The following F13A1 variants were observed in gnomAD, a reference collection of about 807,000 sequenced individuals.
F13A1 encodes the protein coagulation factor XIII A chain.
F13A1 carries 47 observed loss-of-function variants against 80.1 expected under a neutral mutation model. That is an observed-to-expected ratio of 0.59 (90% CI 0.46 to 0.75). The LOEUF (loss-of-function observed/expected upper bound fraction) is 0.75. Ranked by LOEUF, F13A1 falls within the 30% of genes least tolerant of loss-of-function variation. F13A1 has a pLI of 0.00. For missense variants in F13A1, 817 were observed against 930.4 expected (o/e 0.88, Z 1.59); for synonymous variants, 349 against 344.9 (o/e 1.01, Z -0.13).
intron 9 of F13A1, among the ~76,000 whole-genome samples, chr6:6,196,853 C>T (rs1310614447): frequency 6.6e-6 from 1 of 152,162 alleles, no homozygotes; most frequent in African/African-American, 2.4e-5. Context: ...TTCGAGTTCT[C>T]TATTTTCTCT....
At chr6:6,184,205 G>A (rs988301280) in intron 10 of F13A1, among the ~76,000 whole-genome samples, 4 of 152,254 alleles carry the variant, frequency 2.6e-5, no homozygotes, top group African/African-American at 9.6e-5. Context: ...TATTATGGAT[G>A]AGGGCACCAA....
intron 12 of F13A1, among the ~76,000 whole-genome samples, chr6:6,171,001 G>C (rs990990513): frequency 2.0e-5 from 3 of 152,120 alleles, no homozygotes; most frequent in African/African-American, 7.2e-5. Flanking sequence ...CTCAGGCATA[G>C]GTTTGGTCAG....
intron 3 of F13A1, among the ~76,000 whole-genome samples, chr6:6,268,240 C>T (rs543337708): frequency 6.6e-6 from 1 of 152,274 alleles, no homozygotes; most frequent in East Asian, 1.9e-4. Context: ...AGCTGATATT[C>T]CACAGAAAAA....
intron 14 of F13A1, among the ~76,000 whole-genome samples, chr6:6,148,625 A>G (rs1760324586): frequency 6.6e-6 from 1 of 152,156 alleles, no homozygotes; most frequent in Admixed American, 6.6e-5. Context: ...AGTGCTTCTA[A>G]TTATCTGACC....
Position 6,262,923 on chromosome 6 carries a change from C to T in F13A1, c.571+3635G>A, listed in dbSNP as rs146872829. 1.6e-4 allele frequency among the ~76,000 whole-genome samples: 24 copies of T among 152,254 alleles called. No individual in the cohort carries two copies. The East Asian group carries it at 4.1e-3, about 26-fold the overall frequency. ...TCTCAACCTTAGCTCCAAGAATCAC[C>T]TGCAGAACTTTAAAAAACCCCAAAG... is the stretch of plus-strand genomic sequence containing the variant. On this transcript the variant is annotated intron_variant, in intron 4 of 14. Transcript: ENST00000264870.
rs145104975 is a variant in F13A1 at position 6,255,548 on chromosome 6, G to C, written c.572-4619C>G. Among the ~76,000 whole-genome samples the C allele has an allele frequency of 7.3e-3, 1,118 of 152,232 alleles. 9 individuals are homozygous for C. The highest frequency in any genetic ancestry group is 0.026 in the African/African-American group (1,065 of 41,490). On this transcript the variant is annotated intron_variant, in intron 4 of 14. Transcript: ENST00000264870. ...AACACGGTAGGAAATCAATCAATGT[G>C]TACTGAAAGAATGAGAGATGGGGAA...
chr6:6,195,833 G>T lies in F13A1; in HGVS notation c.1269C>A (p.Val423=). 1 of 1,614,210 alleles carries T rather than the reference G, an allele frequency of 6.2e-7. No homozygotes were observed. The highest frequency in any genetic ancestry group is 8.5e-7 in the Non-Finnish European group (1 of 1,180,022). ...CAAAAGGTGCATCAAATTGGAAGCA[G>T]ACATGGCCGTGCTTGATGGCTTGAA... is the stretch of plus-strand genomic sequence containing the variant. ...ASVQAIKHGH[V]CFQFDAPFVF... is the part of the protein sequence containing the mutation. The change falls in exon 10 of 15, where the codon GTC becomes GTA. Residue 423 remains valine (V), a synonymous_variant. Coordinates refer to ENST00000264870, the MANE Select transcript of F13A1 (RefSeq NM_000129.4).
intron 10 of F13A1, among the ~76,000 whole-genome samples, chr6:6,182,425 CCT>C (rs1367965467): frequency 6.6e-6 from 1 of 152,202 alleles, no homozygotes; most frequent in African/African-American, 2.4e-5. Context: ...ATAAGTCCTA[CCT>C]CTCACAGGAG....
At chr6:6,186,503 T>C (rs1761082504) in intron 10 of F13A1, among the ~76,000 whole-genome samples, 1 of 152,218 alleles carries the variant, frequency 6.6e-6, no homozygotes, top group Non-Finnish European at 1.5e-5. Flanking sequence ...TGCTTGTTTT[T>C]GTCAGGTTTG....
chr6:6,297,134 C>G, intron 3 of F13A1, among the ~76,000 whole-genome samples: 1 of 149,302 alleles, frequency 6.7e-6, no homozygotes, highest in Non-Finnish European at 1.5e-5. Flanking sequence ...TGATGTGCTG[C>G]TGGATTCGGT....
Position 6,248,350 on chromosome 6 carries a change from C to T in F13A1, c.760G>A (p.Gly254Arg), listed in dbSNP as rs1276792457. The change falls in exon 6 of 15, where the codon GGG (glycine) becomes AGG (arginine). Residue 254 changes from glycine (G) to arginine (R), a missense_variant. Physicochemically the swap from Gly to Arg is moderately radical, Grantham distance 125 (BLOSUM62 -2). Coordinates refer to ENST00000264870, the MANE Select transcript of F13A1 (RefSeq NM_000129.4). ...ACACGGCTGACTTTGATGGGATTCC[C>T]TCTTCCAGAGAGGTCCATTTGTGCT... Reference protein sequence around the residue: ...DRAQMDLSGRGNPIKVSRVGS... With the variant: ...DRAQMDLSGRRNPIKVSRVGS... The T allele has an allele frequency of 6.2e-7, 1 of 1,613,902 alleles. No individual in the cohort carries two copies. Among genetic ancestry groups the T allele is most frequent in the Non-Finnish European group, 8.5e-7 (1 of 1,179,884 alleles).
chr6:6,180,836 AAG>A (rs1760969425), intron 11 of F13A1, among the ~76,000 whole-genome samples: 1 of 152,232 alleles, frequency 6.6e-6, no homozygotes, highest in African/African-American at 2.4e-5. Flanking sequence ...TTTTGTAAAT[AAG>A]AGCAGGGAGA....
chr6:6,209,934 T>A (rs2113030091), intron 8 of F13A1, among the ~76,000 whole-genome samples: 1 of 152,044 alleles, frequency 6.6e-6, no homozygotes, highest in African/African-American at 2.4e-5. Flanking sequence ...ACCACAAATA[T>A]ACTAAAAATG....
chr6:6,290,085 T>C (rs1273482264), intron 3 of F13A1, among the ~76,000 whole-genome samples: 1 of 152,168 alleles, frequency 6.6e-6, no homozygotes, highest in African/African-American at 2.4e-5. Context: ...TATGGTGCTT[T>C]GCACATACAA....
chr6:6,305,352 A>G lies in F13A1; in HGVS notation c.318T>C (p.Ile106=). The change falls in exon 3 of 15, where the codon ATT becomes ATC. Residue 106 remains isoleucine (I), a splice_region_variant and synonymous_variant. Transcript: ENST00000264870. The stretch of plus-strand genomic sequence containing the variant: ...CTGGAGCTTGCACATGGCACTCACC[A>G]ATGACGTATTCCACCCTGAAGAGAT... ...RRDLFRVEYV[I]GRYPQENKGT... 6.2e-7 allele frequency: 1 copy of G among 1,614,168 alleles called. No homozygotes were observed. The highest frequency in any genetic ancestry group is 8.5e-7 in the Non-Finnish European group (1 of 1,180,026).
chr6:6,225,440 A>C (rs1054622333), intron 6 of F13A1, among the ~76,000 whole-genome samples: 6 of 152,052 alleles, frequency 3.9e-5, no homozygotes, highest in Non-Finnish European at 7.4e-5. Flanking sequence ...GAGTTAAGAA[A>C]ATAGATTCCC....
intron 3 of F13A1, 134 bp downstream of exon 3, chr6:6,305,217 A>AG: frequency 1.0e-6 from 1 of 984,394 alleles, no homozygotes; most frequent in Non-Finnish European, 1.6e-6. Context: ...AGGGTAATTC[A>AG]GGGGCTGGAT....
chr6:6,222,460 A>T (rs151002355), intron 7 of F13A1, among the ~76,000 whole-genome samples: 20 of 152,310 alleles, frequency 1.3e-4, no homozygotes, highest in African/African-American at 1.4e-4. Flanking sequence ...GCGTTTGATC[A>T]TCAACGTAGT....
chr6:6,238,383 A>G (rs1757440401), intron 6 of F13A1, among the ~76,000 whole-genome samples: 1 of 152,180 alleles, frequency 6.6e-6, no homozygotes. Flanking sequence ...CCACAATGTA[A>G]AAGTTCAAAT....
Sources: gnomAD v4.1 joint callset for allele counts (sites outside exome capture counted in the v4.1 genomes callset) on GRCh38, gnomAD v4.1.1 for gene constraint, MANE v1.5 for transcripts, NCBI Gene and HGNC (gene_info 2026-07-23, HGNC 2026-07-21) for gene names.